Variants in MACROD2 observed in about 807,000 individuals in gnomAD.
The protein encoded by MACROD2 is ADP-ribose glycohydrolase MACROD2.
In MACROD2, 36 loss-of-function variants were observed where a neutral mutation model predicts 70.4. The ratio of observed to expected loss-of-function variants is 0.51; its 90% CI spans 0.39 to 0.68. MACROD2 has a LOEUF of 0.68. MACROD2 is among the 30% of genes least tolerant of loss of function. The pLI is 0.00. For missense variants in MACROD2, 496 were observed against 538.4 expected (o/e 0.92, Z 0.78); for synonymous variants, 172 against 178.8 (o/e 0.96, Z 0.30).
chr20:15,977,697 C>G (rs903596475), intron 13 of MACROD2, among the ~76,000 whole-genome samples: 1 of 152,114 alleles, frequency 6.6e-6, no homozygotes, highest in Non-Finnish European at 1.5e-5. Context: ...GAGACAAAGA[C>G]AGACACAACT....
At position 14,718,292 on chromosome 20, in the gene MACROD2, C is replaced by CAAAAAA. The variant is rs11358439; in HGVS notation, c.418+33354_418+33359dup. ...TGGGCGACAGAGAGAGACTCTGTCT[C>CAAAAAA]AAAAAAAAAAAAAAAAAAAAAAAAA... On this transcript the variant is annotated intron_variant, in intron 5 of 17. Coordinates refer to ENST00000684519, the MANE Select transcript of MACROD2 (RefSeq NM_001351661.2). Among the ~76,000 whole-genome samples, 17 of 54,650 alleles carry CAAAAAA rather than the reference C, an allele frequency of 3.1e-4. 1 individual carries two copies. Among genetic ancestry groups the CAAAAAA allele is most frequent in the South Asian group, 1.1e-3 (1 of 886 alleles). 35.9% of individuals were successfully genotyped at this position (54,650 alleles called of 152,430 possible).
intron 5 of MACROD2, among the ~76,000 whole-genome samples, chr20:15,145,080 G>C (rs1687017516): frequency 1.3e-5 from 2 of 152,062 alleles, no homozygotes; most frequent in Admixed American, 6.6e-5. Flanking sequence ...CTCAGTAAAT[G>C]GTTATCTTGG....
chr20:15,823,320 G>GTGTGTC (rs1175507838), intron 8 of MACROD2, among the ~76,000 whole-genome samples: 1 of 144,884 alleles, frequency 6.9e-6, no homozygotes, highest in South Asian at 2.1e-4. Context: ...GTGTGTGTGT[G>GTGTGTC]TCTATAGCTG....
chr20:14,226,328 TGA>T (rs1042284456), intron 3 of MACROD2, among the ~76,000 whole-genome samples: 13 of 152,186 alleles, frequency 8.5e-5, no homozygotes, highest in African/African-American at 3.1e-4. Flanking sequence ...TGAATGCTGG[TGA>T]GAGGTGACAG....
intron 3 of MACROD2, among the ~76,000 whole-genome samples, chr20:14,115,954 G>A (rs916109947): frequency 6.6e-6 from 1 of 152,166 alleles, no homozygotes; most frequent in African/African-American, 2.4e-5. Flanking sequence ...AGTAAGCCGA[G>A]ATATTAGATG....
In MACROD2 at chr20:14,121,281, T is replaced by C. The variant is rs1162841755; in HGVS notation, c.271+35553T>C. Among the ~76,000 whole-genome samples, 7 of 152,136 alleles carry C rather than the reference T, an allele frequency of 4.6e-5. No individual in the cohort carries two copies. The East Asian group carries it at 1.2e-3, about 25-fold the overall frequency. Reference sequence around the variant, plus strand: ...AATCCAGGCCAAATGCTTCATGTCATAGATGGGGAAACAGAGTCCTAGAGA... The same window carrying C: ...AATCCAGGCCAAATGCTTCATGTCACAGATGGGGAAACAGAGTCCTAGAGA... On this transcript the variant is annotated intron_variant, in intron 3 of 17. Transcript: ENST00000684519.
intron 4 of MACROD2, among the ~76,000 whole-genome samples, chr20:14,652,969 A>G (rs567446433): frequency 5.1e-4 from 77 of 152,282 alleles, no homozygotes; most frequent in African/African-American, 1.8e-3. Flanking sequence ...GAGTCAAGCA[A>G]TTCAGGATTT....
At chr20:14,769,506 C>G (rs2072137092) in intron 5 of MACROD2, among the ~76,000 whole-genome samples, 1 of 152,224 alleles carries the variant, frequency 6.6e-6, no homozygotes, top group African/African-American at 2.4e-5. Flanking sequence ...CAATGATACA[C>G]TGCTCTGTAA....
intron 5 of MACROD2, among the ~76,000 whole-genome samples, chr20:14,692,340 G>T (rs549244495): frequency 6.6e-6 from 1 of 152,136 alleles, no homozygotes; most frequent in African/African-American, 2.4e-5. Context: ...ACAGATTAGG[G>T]CTTTTTTTGA....
intron 5 of MACROD2, among the ~76,000 whole-genome samples, chr20:14,862,127 T>TATATATTTATATATTATACATAA (rs1568839148): frequency 1.1e-4 from 1 of 9,492 alleles, no homozygotes; most frequent in Non-Finnish European, 2.2e-4. Context: ...AAATATATAA[T>TATATATTTATATATTATACATAA]ATATATAAAT....
chr20:15,029,769 C>G (rs557354372), intron 5 of MACROD2, among the ~76,000 whole-genome samples: 1 of 152,228 alleles, frequency 6.6e-6, no homozygotes, highest in African/African-American at 2.4e-5. Context: ...GATTTTGAAT[C>G]CTTAGCCCCT....
At chr20:14,996,609 A>G (rs1568918081) in intron 5 of MACROD2, among the ~76,000 whole-genome samples, 1 of 152,222 alleles carries the variant, frequency 6.6e-6, no homozygotes, top group Non-Finnish European at 1.5e-5. Context: ...TGAAAAGGGT[A>G]GGAAAGACAG....
At chr20:15,327,714 G>A (rs1449314223) in intron 6 of MACROD2, among the ~76,000 whole-genome samples, 1 of 151,956 alleles carries the variant, frequency 6.6e-6, no homozygotes, top group Admixed American at 6.6e-5. Flanking sequence ...CTATATCACT[G>A]CCCCCTACTT....
intron 6 of MACROD2, among the ~76,000 whole-genome samples, chr20:15,241,772 A>T: frequency 6.6e-6 from 1 of 152,016 alleles, no homozygotes. Context: ...CAAAAAAAAA[A>T]AAAAAAAAAG....
At chr20:15,443,130 C>T (rs1028321095) in intron 7 of MACROD2, among the ~76,000 whole-genome samples, 1 of 152,028 alleles carries the variant, frequency 6.6e-6, no homozygotes, top group Admixed American at 6.6e-5. Flanking sequence ...CATAGAAATC[C>T]TTGGAGGCAT....
At chr20:14,825,373 A>T (rs2072889952) in intron 5 of MACROD2, among the ~76,000 whole-genome samples, 1 of 152,088 alleles carries the variant, frequency 6.6e-6, no homozygotes, top group Non-Finnish European at 1.5e-5. Context: ...AACAGTGTCC[A>T]AAGTCTTTTC....
At chr20:14,053,646 T>C (rs929222099) in intron 2 of MACROD2, 4 of 152,154 alleles carry the variant, frequency 2.6e-5, no homozygotes, top group Non-Finnish European at 4.4e-5. Flanking sequence ...AACCAACTAT[T>C]GTGGGTTTTT....
intron 2 of MACROD2, among the ~76,000 whole-genome samples, chr20:14,019,570 G>A (rs539117800): frequency 6.6e-6 from 1 of 152,210 alleles, no homozygotes; most frequent in African/African-American, 2.4e-5. Context: ...ACTGCGCCTA[G>A]CTGGGTAGTG....
intron 5 of MACROD2, among the ~76,000 whole-genome samples, chr20:14,788,652 T>TA (rs1231445232): frequency 3.5e-4 from 53 of 151,154 alleles, no homozygotes; most frequent in Middle Eastern, 6.8e-3. Flanking sequence ...TAGTTTGACT[T>TA]AAAAACCATA....
Sources: gnomAD v4.1 joint callset for allele counts (sites outside exome capture counted in the v4.1 genomes callset) on GRCh38, gnomAD v4.1.1 for gene constraint, MANE v1.5 for transcripts, NCBI Gene and HGNC (gene_info 2026-07-23, HGNC 2026-07-21) for gene names.